The following MTA3 variants were observed in gnomAD, a reference collection of about 807,000 sequenced individuals.
MTA3 encodes metastasis-associated protein MTA3.
In MTA3, 34 loss-of-function variants were observed where a neutral mutation model predicts 83.5. That is an observed-to-expected ratio of 0.41 (90% CI 0.31 to 0.54). The LOEUF (loss-of-function observed/expected upper bound fraction) is 0.54. Ranked by LOEUF, MTA3 falls within the 20% of genes least tolerant of loss-of-function variation. The probability of loss-of-function intolerance (pLI) is 0.33; values close to 1 mark genes in which losing one functional copy is unlikely to be tolerated. For missense variants in MTA3, 761 were observed against 726.4 expected (o/e 1.05, Z -0.55); for synonymous variants, 303 against 252.7 (o/e 1.20, Z -1.89).
At chr2:42,578,438 A>C (rs1021903535) in intron 2 of MTA3, among the ~76,000 whole-genome samples, 1 of 152,246 alleles carries the variant, frequency 6.6e-6, no homozygotes, top group East Asian at 1.9e-4. Context: ...TGAGAGTTTC[A>C]GTGTTCATAA....
intron 9 of MTA3, among the ~76,000 whole-genome samples, chr2:42,686,721 A>G (rs1177462263): frequency 6.6e-6 from 1 of 152,024 alleles, no homozygotes; most frequent in African/African-American, 2.4e-5. Flanking sequence ...CAGTTACTCG[A>G]TAGACTGAGG....
rs932891122 is a variant in MTA3 at position 42,756,485 on chromosome 2, C to T, written c.*3086C>T. On this transcript the variant is annotated 3_prime_UTR_variant, in exon 17 of 17. Transcript: ENST00000405094. ...GCAAGCAGGTGGGGCTGTGCGTGGCCTCAGTGCACTCGGTGTCATGTCTGA... is the reference window on the plus strand; with the variant it reads ...GCAAGCAGGTGGGGCTGTGCGTGGCTTCAGTGCACTCGGTGTCATGTCTGA... The T allele has an allele frequency of 1.0e-6, 1 of 985,612 alleles. No individual in the cohort carries two copies. Among genetic ancestry groups the T allele is most frequent in the Non-Finnish European group, 1.2e-6 (1 of 830,076 alleles). The allele number at this position is 985,612 out of a possible 1,614,324, so 61.1% of individuals were successfully genotyped here.
At chr2:42,510,205 A>G (rs1185215207) in intron 2 of MTA3, among the ~76,000 whole-genome samples, 1 of 151,988 alleles carries the variant, frequency 6.6e-6, no homozygotes, top group Non-Finnish European at 1.5e-5. Context: ...ACAGGCCTGT[A>G]ATCCCAGCTA....
chr2:42,691,367 T>TAC (rs150724996), intron 9 of MTA3, among the ~76,000 whole-genome samples: 194 of 150,668 alleles, frequency 1.3e-3, no homozygotes, highest in Middle Eastern at 3.4e-3. Context: ...TAGAACATCG[T>TAC]ACACACACAC....
chr2:42,741,060 T>C (rs548099551), intron 16 of MTA3, among the ~76,000 whole-genome samples: 68 of 152,384 alleles, frequency 4.5e-4, no homozygotes, highest in African/African-American at 1.6e-3. Context: ...TAGATCTAGA[T>C]AACTTGCTAC....
At chr2:42,698,810 T>A (rs1693609905) in intron 11 of MTA3, among the ~76,000 whole-genome samples, 1 of 152,180 alleles carries the variant, frequency 6.6e-6, no homozygotes, top group Non-Finnish European at 1.5e-5. Flanking sequence ...GACAGATAAC[T>A]CTGGTTTAAT....
intron 16 of MTA3, among the ~76,000 whole-genome samples, chr2:42,748,938 G>A (rs1168241936): frequency 6.6e-6 from 1 of 152,160 alleles, no homozygotes; most frequent in Non-Finnish European, 1.5e-5. Context: ...CCCTTAGTCC[G>A]ATGGGATTTC....
chr2:42,603,152 A>C (rs1400275982), intron 3 of MTA3, among the ~76,000 whole-genome samples: 3 of 150,300 alleles, frequency 2.0e-5, no homozygotes, highest in Non-Finnish European at 2.9e-5. Context: ...AAGGGAGAAC[A>C]CAGGTCCTTG....
chr2:42,712,051 T>C (rs1666664281), intron 14 of MTA3, among the ~76,000 whole-genome samples: 1 of 152,260 alleles, frequency 6.6e-6, no homozygotes, highest in East Asian at 1.9e-4. Flanking sequence ...ACCTCTTCAA[T>C]TGCCTCTGGC....
intron 3 of MTA3, among the ~76,000 whole-genome samples, chr2:42,599,092 G>T (rs1448766164): frequency 6.6e-6 from 1 of 152,134 alleles, no homozygotes; most frequent in Non-Finnish European, 1.5e-5. Context: ...GGCTCAGGAC[G>T]GTGGCTAATG....
chr2:42,699,986 C>T (rs551207820), intron 11 of MTA3, among the ~76,000 whole-genome samples: 2 of 151,972 alleles, frequency 1.3e-5, no homozygotes, highest in African/African-American at 4.8e-5. Flanking sequence ...AAAATGATAG[C>T]TAGGCGAGTA....
At chr2:42,584,375 A>G (rs1216152767) in intron 3 of MTA3, among the ~76,000 whole-genome samples, 1 of 152,176 alleles carries the variant, frequency 6.6e-6, no homozygotes, top group African/African-American at 2.4e-5. Context: ...AAAGGTCATA[A>G]CATCTTTCAA....
intron 8 of MTA3, among the ~76,000 whole-genome samples, chr2:42,666,070 G>A: frequency 6.6e-6 from 1 of 152,190 alleles, no homozygotes; most frequent in East Asian, 1.9e-4. Flanking sequence ...GAGATCAGGA[G>A]ATTGAGACCA....
intron 2 of MTA3, among the ~76,000 whole-genome samples, chr2:42,499,288 C>A (rs1674289931): frequency 1.3e-5 from 2 of 151,722 alleles, no homozygotes. Flanking sequence ...CTGCCTCAGC[C>A]TCCTGAGCAG....
intron 2 of MTA3, among the ~76,000 whole-genome samples, chr2:42,547,068 G>A (rs1256894845): frequency 6.6e-6 from 1 of 152,156 alleles, no homozygotes; most frequent in African/African-American, 2.4e-5. Flanking sequence ...TACAGTCTAT[G>A]GAGGAACTTT....
At chr2:42,594,719 T>TAAATATACATAC (rs1289483181) in intron 3 of MTA3, among the ~76,000 whole-genome samples, 1 of 43,688 alleles carries the variant, frequency 2.3e-5, no homozygotes, top group East Asian at 5.0e-4. Context: ...TATATATATA[T>TAAATATACATAC]ATATATATAT....
At chr2:42,722,106 C>G (rs1455201530) in intron 15 of MTA3, among the ~76,000 whole-genome samples, 1 of 152,088 alleles carries the variant, frequency 6.6e-6, no homozygotes, top group Non-Finnish European at 1.5e-5. Context: ...CATGATGACT[C>G]TGAGAATCAG....
intron 12 of MTA3, among the ~76,000 whole-genome samples, chr2:42,705,729 T>C (rs1219274041): frequency 6.6e-6 from 1 of 151,956 alleles, no homozygotes; most frequent in Non-Finnish European, 1.5e-5. Flanking sequence ...AAAAAAAAAT[T>C]AACTTGCAAA....
intron 2 of MTA3, among the ~76,000 whole-genome samples, chr2:42,517,878 A>AAAG (rs1675224362): frequency 6.6e-6 from 1 of 151,018 alleles, no homozygotes; most frequent in Non-Finnish European, 1.5e-5. Context: ...AAAAAAAAAA[A>AAAG]AAAGAAGAAA....
Sources: gnomAD v4.1 joint callset for allele counts (sites outside exome capture counted in the v4.1 genomes callset) on GRCh38, gnomAD v4.1.1 for gene constraint, MANE v1.5 for transcripts, NCBI Gene and HGNC (gene_info 2026-07-23, HGNC 2026-07-21) for gene names.